Variants in CHD9 observed in about 807,000 individuals in gnomAD.
CHD9 encodes ATP-dependent chromatin remodeler CHD9.
Under a neutral mutation model 316.1 loss-of-function variants are expected in CHD9, and 77 were observed. The ratio of observed to expected loss-of-function variants is 0.24; its 90% confidence interval spans 0.20 to 0.29. The LOEUF (loss-of-function observed/expected upper bound fraction) is 0.29, where lower values mean the gene tolerates loss of function less well. Among genes scored for constraint, CHD9 ranks in the 10% least tolerant of loss-of-function variants. The probability of loss-of-function intolerance (pLI) is 1.00; values close to 1 mark genes in which losing one functional copy is unlikely to be tolerated. For missense variants in CHD9, 2,763 were observed against 3,438.1 expected (o/e 0.80, Z 4.91); for synonymous variants, 1,129 against 1,158.3 (o/e 0.97, Z 0.51).
At chr16:53,232,411 A>T (rs1182553333) in intron 10 of CHD9, among the ~76,000 whole-genome samples, 1 of 152,152 alleles carries the variant, frequency 6.6e-6, no homozygotes, top group African/African-American at 2.4e-5. Flanking sequence ...AAAATTAGAG[A>T]TGCCTTAGAT....
chr16:53,058,824 TTTTTG>T (rs944239274), intron 1 of CHD9, among the ~76,000 whole-genome samples: 3 of 152,058 alleles, frequency 2.0e-5, no homozygotes, highest in African/African-American at 7.2e-5. Flanking sequence ...ACATTTGGGT[TTTTTG>T]TTTTGTTTTG....
At chr16:53,206,184 C>G (rs2045881872) in intron 2 of CHD9, among the ~76,000 whole-genome samples, 1 of 152,140 alleles carries the variant, frequency 6.6e-6, no homozygotes, top group African/African-American at 2.4e-5. Context: ...AACTCCCGAC[C>G]TCAGGTGATC....
intron 2 of CHD9, among the ~76,000 whole-genome samples, chr16:53,200,062 C>T (rs1030836266): frequency 2.6e-5 from 4 of 151,532 alleles, no homozygotes; most frequent in South Asian, 2.1e-4. Context: ...ATGGCAAAAC[C>T]CTGTCTCTAC....
intron 1 of CHD9, chr16:53,121,257 A>T (rs1597053453): frequency 2.4e-6 from 1 of 424,052 alleles, no homozygotes; most frequent in South Asian, 1.7e-5. Context: ...TTTTTAAATA[A>T]CAGCCACATT....
At chr16:53,232,184 C>CCT (rs2048234357) in intron 10 of CHD9, among the ~76,000 whole-genome samples, 1 of 152,156 alleles carries the variant, frequency 6.6e-6, no homozygotes, top group Non-Finnish European at 1.5e-5. Context: ...ACCCCCATTC[C>CCT]TTTTACCTTC....
chr16:53,185,858 G>A (rs2043954116), intron 2 of CHD9, among the ~76,000 whole-genome samples: 1 of 152,258 alleles, frequency 6.6e-6, no homozygotes. Flanking sequence ...TGGGCCTGCA[G>A]ATGTGCAGAA....
intron 11 of CHD9, 98 bp from the exon 12 acceptor site, chr16:53,238,245 A>G (rs951868642): frequency 6.2e-6 from 7 of 1,120,414 alleles, no homozygotes; most frequent in African/African-American, 1.6e-5. Flanking sequence ...TATAAATGCA[A>G]CTATTTTATT....
intron 12 of CHD9, among the ~76,000 whole-genome samples, chr16:53,239,017 T>C (rs1337955546): frequency 6.6e-6 from 1 of 152,064 alleles, no homozygotes; most frequent in African/African-American, 2.4e-5. Flanking sequence ...AGACCATAGG[T>C]TCTCTTTCAT....
chr16:53,124,467 A>ATTTTTTTTTTTTTT (rs753476091), intron 1 of CHD9, among the ~76,000 whole-genome samples: 7 of 96,956 alleles, frequency 7.2e-5, no homozygotes, highest in African/African-American at 2.3e-4. Context: ...GTGAGACTTA[A>ATTTTTTTTTTTTTT]TTTTTTTTTT....
At chr16:53,094,040 A>G (rs2152559603) in intron 1 of CHD9, among the ~76,000 whole-genome samples, 1 of 152,318 alleles carries the variant, frequency 6.6e-6, no homozygotes, top group East Asian at 1.9e-4. Flanking sequence ...ATCTTAAGGA[A>G]AAAGTGCTTG....
chr16:53,265,629 T>C (rs899808711), intron 20 of CHD9, among the ~76,000 whole-genome samples: 2 of 152,160 alleles, frequency 1.3e-5, no homozygotes, highest in African/African-American at 2.4e-5. Context: ...CTATGCTCTA[T>C]ACCAAGTAAA....
intron 24 of CHD9, among the ~76,000 whole-genome samples, chr16:53,275,706 T>C (rs1208308833): frequency 6.6e-6 from 1 of 152,012 alleles, no homozygotes; most frequent in Non-Finnish European, 1.5e-5. Flanking sequence ...TGTAGAGAAA[T>C]GTAAGCAAGC....
chr16:53,130,265 G>A (rs1046447694), intron 1 of CHD9, among the ~76,000 whole-genome samples: 4 of 152,056 alleles, frequency 2.6e-5, no homozygotes, highest in East Asian at 1.9e-4. Context: ...TCTACAGCAC[G>A]GGCGCGTGAC....
chr16:53,261,385 T>TTTTTA (rs1362791276), intron 19 of CHD9, among the ~76,000 whole-genome samples: 3 of 145,324 alleles, frequency 2.1e-5, no homozygotes, highest in Admixed American at 6.9e-5. Context: ...TTTTTTTTTT[T>TTTTTA]AGACAGGTTC....
intron 3 of CHD9, among the ~76,000 whole-genome samples, chr16:53,221,280 C>G (rs1379714128): frequency 6.6e-6 from 1 of 152,140 alleles, no homozygotes; most frequent in Non-Finnish European, 1.5e-5. Flanking sequence ...CAAAAGAGAT[C>G]AAGTAATTTG....
chr16:53,218,012 C>T (rs1284906049), intron 3 of CHD9, among the ~76,000 whole-genome samples: 1 of 150,262 alleles, frequency 6.7e-6, no homozygotes, highest in Non-Finnish European at 1.5e-5. Context: ...TTTAAAATGC[C>T]ACCCAAATTA....
intron 30 of CHD9, among the ~76,000 whole-genome samples, chr16:53,300,348 G>A (rs922984812): frequency 5.3e-5 from 8 of 149,554 alleles, no homozygotes; most frequent in South Asian, 2.1e-4. Flanking sequence ...GTGAGACTCC[G>A]TCTCAAAAAA....
intron 11 of CHD9, 47 bp downstream of exon 11, chr16:53,235,353 C>A: frequency 2.3e-6 from 3 of 1,313,536 alleles, no homozygotes; most frequent in South Asian, 1.4e-5. Context: ...TTAATGTGTG[C>A]CAAAATGTGT....
chr16:53,069,506 CT>C (rs1195131623), intron 1 of CHD9, among the ~76,000 whole-genome samples: 1 of 152,174 alleles, frequency 6.6e-6, no homozygotes, highest in African/African-American at 2.4e-5. Context: ...GGTACCTCAT[CT>C]AGGTAGAATT....
Sources: allele counts gnomAD v4.1 joint callset (sites outside exome capture counted in the v4.1 genomes callset), GRCh38; gene constraint gnomAD v4.1.1; transcripts MANE v1.5; gene names NCBI Gene and HGNC (gene_info 2026-07-23, HGNC 2026-07-21).